The following TSPEAR variants were observed in gnomAD, a reference collection of about 807,000 sequenced individuals.
TSPEAR encodes thrombospondin type laminin G domain and EAR repeats, also known as thrombospondin-type laminin G domain and EAR repeat-containing protein.
A neutral mutation model predicts 71.6 loss-of-function variants in TSPEAR; 69 were observed. The ratio of observed to expected loss-of-function variants is 0.96; its 90% CI spans 0.79 to 1.18. TSPEAR has a LOEUF of 1.18. TSPEAR is among the 50% of genes most tolerant of loss of function. The probability of loss-of-function intolerance (pLI) is 0.00; values close to 1 mark genes in which losing one functional copy is unlikely to be tolerated. For missense variants in TSPEAR, 971 were observed against 894.9 expected (o/e 1.09, Z -1.09); for synonymous variants, 402 against 387.2 (o/e 1.04, Z -0.45).
intron 9 of TSPEAR, among the ~76,000 whole-genome samples, chr21:44,515,223 C>T (rs1168855844): frequency 6.6e-6 from 1 of 152,238 alleles, no homozygotes; most frequent in Non-Finnish European, 1.5e-5. Context: ...GTTGGCAAAA[C>T]ATGAAAGTGG....
chr21:44,613,626 G>A (rs1555931770), intron 1 of TSPEAR, among the ~76,000 whole-genome samples: 3 of 152,008 alleles, frequency 2.0e-5, no homozygotes, highest in African/African-American at 7.2e-5. Flanking sequence ...TGCGAGGGGA[G>A]AGGGAGGGGC....
chr21:44,588,381 T>C (rs1979482084), intron 1 of TSPEAR, among the ~76,000 whole-genome samples: 1 of 152,150 alleles, frequency 6.6e-6, no homozygotes, highest in South Asian at 2.1e-4. Context: ...AAATAATAGA[T>C]GCTGGCACAG....
At chr21:44,652,395 G>C (rs932238342) in intron 1 of TSPEAR, among the ~76,000 whole-genome samples, 3 of 152,156 alleles carry the variant, frequency 2.0e-5, no homozygotes, top group African/African-American at 7.2e-5. Context: ...CCAGCACCCC[G>C]GTACCAGCAC....
At chr21:44,646,418 T>C in intron 1 of TSPEAR, 1 of 1,575,528 alleles carries the variant, frequency 6.3e-7, no homozygotes. Context: ...ACTCACACAC[T>C]CACTTACACC....
chr21:44,682,090 G>A, intron 1 of TSPEAR: 1 of 1,613,942 alleles, frequency 6.2e-7, no homozygotes, highest in Non-Finnish European at 8.5e-7. Context: ...CAGCAGGCTG[G>A]CTGGCAGCCC....
At chr21:44,698,791 C>T (rs1987509458) in intron 1 of TSPEAR, among the ~76,000 whole-genome samples, 1 of 152,244 alleles carries the variant, frequency 6.6e-6, no homozygotes, top group Non-Finnish European at 1.5e-5. Context: ...CCTTCTACTG[C>T]CCCTACAACT....
chr21:44,706,441 G>A (rs1987927230), intron 1 of TSPEAR, among the ~76,000 whole-genome samples: 1 of 149,414 alleles, frequency 6.7e-6, no homozygotes, highest in Non-Finnish European at 1.5e-5. Flanking sequence ...ACCCACGTGC[G>A]CACCCACATG....
At chr21:44,539,550 G>T (rs1555916857) in intron 2 of TSPEAR, 16 of 1,613,646 alleles carry the variant, frequency 9.9e-6, no homozygotes, top group Non-Finnish European at 1.3e-5. Context: ...GAGCAGACGG[G>T]CACACAGCAG....
At chr21:44,697,625 T>C (rs1555950907) in intron 1 of TSPEAR, 2 of 1,614,112 alleles carry the variant, frequency 1.2e-6, no homozygotes, top group East Asian at 2.2e-5. Context: ...GCCAGCTTGC[T>C]GCATCTCCTC....
intron 9 of TSPEAR, chr21:44,517,573 G>C (rs1569158938): frequency 2.8e-6 from 1 of 354,968 alleles, no homozygotes; most frequent in Non-Finnish European, 5.6e-6. Context: ...ACTGGCCCAT[G>C]GGCTGTGAGC....
intron 9 of TSPEAR, among the ~76,000 whole-genome samples, chr21:44,510,372 G>A (rs960713227): frequency 1.4e-4 from 21 of 152,220 alleles, no homozygotes; most frequent in Admixed American, 3.3e-4. Context: ...GAGGGACATT[G>A]CACCACCGGG....
chr21:44,662,537 T>C (rs587711613), intron 1 of TSPEAR, among the ~76,000 whole-genome samples: 2 of 152,206 alleles, frequency 1.3e-5, no homozygotes, highest in African/African-American at 2.4e-5. Flanking sequence ...AGATTTGTCA[T>C]TGGACTTCAG....
chr21:44,588,747 T>TTATATATATGTATGTGTG (rs1569203737), intron 1 of TSPEAR, among the ~76,000 whole-genome samples: 3 of 146,242 alleles, frequency 2.1e-5, no homozygotes, highest in Non-Finnish European at 4.5e-5. Flanking sequence ...TATATATATG[T>TTATATATATGTATGTGTG]TATATATATG....
intron 11 of TSPEAR, among the ~76,000 whole-genome samples, chr21:44,503,938 AG>A (rs2052118218): frequency 7.1e-6 from 1 of 140,004 alleles, no homozygotes; most frequent in African/African-American, 2.8e-5. Flanking sequence ...CTCGGCGGGA[AG>A]CAAGGCTCTG....
intron 8 of TSPEAR, among the ~76,000 whole-genome samples, chr21:44,524,784 T>G (rs587706847): frequency 4.9e-4 from 74 of 151,852 alleles, no homozygotes; most frequent in Admixed American, 2.8e-3. Context: ...TAGTAGTCAG[T>G]CAGAGAGTCA....
At chr21:44,631,526 G>A (rs1983256845) in intron 1 of TSPEAR, among the ~76,000 whole-genome samples, 1 of 152,022 alleles carries the variant, frequency 6.6e-6, no homozygotes, top group African/African-American at 2.4e-5. Context: ...AGAACGGCCT[G>A]GGGCAACATA....
intron 2 of TSPEAR, chr21:44,540,025 G>A: frequency 3.1e-6 from 5 of 1,613,104 alleles, no homozygotes; most frequent in African/African-American, 1.3e-5. Context: ...CCAGGGTCAG[G>A]CAGGGGGCCG....
At chr21:44,705,094 T>C (rs530096337) in intron 1 of TSPEAR, among the ~76,000 whole-genome samples, 7 of 152,334 alleles carry the variant, frequency 4.6e-5, no homozygotes, top group African/African-American at 1.7e-4. Flanking sequence ...ATTGTGAAGA[T>C]TTTATGGACA....
chr21:44,540,113 C>T (rs782657500), intron 2 of TSPEAR: 10 of 1,613,704 alleles, frequency 6.2e-6, no homozygotes, highest in Middle Eastern at 3.4e-4. Flanking sequence ...GGAGTCGGAG[C>T]AAGCGCTGGA....
Sources: gnomAD v4.1 joint callset for allele counts (sites outside exome capture counted in the v4.1 genomes callset) on GRCh38, gnomAD v4.1.1 for gene constraint, MANE v1.5 for transcripts, NCBI Gene and HGNC (gene_info 2026-07-23, HGNC 2026-07-21) for gene names.